FAT4: variants seen among roughly 807,000 people sequenced by gnomAD.
The protein encoded by FAT4 is protocadherin Fat 4.
Under a neutral mutation model 303.9 loss-of-function variants are expected in FAT4, and 84 were observed. The observed-to-expected ratio is 0.28, with a 90% confidence interval of 0.23 to 0.33. The LOEUF is 0.33. FAT4 is among the 10% of genes least tolerant of loss of function. FAT4 has a pLI of 1.00. For synonymous variants in FAT4, 2,307 were observed against 2,298.8 expected (o/e 1.00, Z -0.10); for missense variants, 6,005 against 6,146.8 (o/e 0.98, Z 0.77).
chr4:125,449,197 C>T lies in FAT4; in HGVS notation c.8187C>T (p.Ser2729=), dbSNP rs780407070. ...SINHATGEIR[S]VRPLDREKVS... is the part of the protein sequence containing the mutation. ...ATCATGCTACTGGTGAAATTAGAAG[C>T]GTTAGACCTTTGGACAGGGAAAAAG... Residue 2729 remains serine (S), a synonymous_variant, in exon 10 of 18, where the codon AGC becomes AGT. Coordinates refer to ENST00000394329, the MANE Select transcript of FAT4 (RefSeq NM_001291303.3). 3.4e-5 allele frequency: 55 copies of T among 1,613,724 alleles called. No individual in the cohort carries two copies. The highest frequency in any genetic ancestry group is 4.5e-5 in the Non-Finnish European group (53 of 1,179,882).
chr4:125,317,301 A>G lies in FAT4; in HGVS notation c.890A>G (p.Gln297Arg), dbSNP rs751217535. 2.5e-6 allele frequency: 4 copies of G among 1,600,114 alleles called. No homozygotes were observed. In the East Asian group the frequency reaches 9.0e-5, roughly 36 times the overall value. ...CTGCAGGACGAGGGGACCCCCTTCC[A>G]AATGGACCCTGAGACGGGACTTATC... ...YRLQDEGTPF[Q>R]MDPETGLITV... The change falls in exon 2 of 18, where the codon CAA becomes CGA. Residue 297 changes from glutamine to arginine, a missense_variant. By Grantham distance (43) the Gln-to-Arg change is conservative. Transcript: ENST00000394329. This position sits in a 1 kb window ranked among gnomAD's most constrained non-coding sequence, Gnocchi z 7.0.
At position 125,317,266 on chromosome 4, in the gene FAT4, C is replaced by G. The variant is rs767533176; in HGVS notation, c.855C>G (p.Ile285Met). 4 of 1,580,464 alleles carry G rather than the reference C, an allele frequency of 2.5e-6. No individual in the cohort carries two copies. The highest frequency in any genetic ancestry group is 3.4e-6 in the Non-Finnish European group (4 of 1,160,890). Residue 285 changes from isoleucine to methionine, a missense_variant, in exon 2 of 18, where the codon ATC becomes ATG. Physicochemically the swap from Ile to Met is conservative, Grantham distance 10. Coordinates refer to ENST00000394329, the MANE Select transcript of FAT4 (RefSeq NM_001291303.3). The surrounding 1 kb of genome is among the most constrained non-coding windows in gnomAD (Gnocchi z 7.0). ...ADADEGTNAD[I>M]RYRLQDEGTP... ...CGGACGAGGGCACCAACGCGGACATCCGCTATCGCCTGCAGGACGAGGGGA... is the reference window on the plus strand; with the variant it reads ...CGGACGAGGGCACCAACGCGGACATGCGCTATCGCCTGCAGGACGAGGGGA...
At chr4:125,328,761 A>G (rs1731259885) in intron 2 of FAT4, among the ~76,000 whole-genome samples, 1 of 152,222 alleles carries the variant, frequency 6.6e-6, no homozygotes, top group South Asian at 2.1e-4. Flanking sequence ...ACAAATGAGA[A>G]TACTGAGGCT....
intron 2 of FAT4, among the ~76,000 whole-genome samples, chr4:125,344,385 TC>T (rs1731919653): frequency 6.6e-6 from 1 of 152,106 alleles, no homozygotes; most frequent in Non-Finnish European, 1.5e-5. Flanking sequence ...AATTCACTTT[TC>T]CTTGTGAGTT....
Position 125,468,057 on chromosome 4 carries a change from G to A in FAT4, c.11906-455G>A, listed in dbSNP as rs150225742. Reference sequence around the variant, plus strand: ...CCGGCACCTATAATCCCAGCTTCTCGGGAAGCTGAGACAAGAGAATCGCTT... The same window carrying A: ...CCGGCACCTATAATCCCAGCTTCTCAGGAAGCTGAGACAAGAGAATCGCTT... On this transcript the variant is annotated intron_variant, in intron 11 of 17. Coordinates refer to ENST00000394329, the MANE Select transcript of FAT4 (RefSeq NM_001291303.3). 8.2e-3 allele frequency among the ~76,000 whole-genome samples: 1,249 copies of A among 152,048 alleles called. 16 individuals carry two copies. The highest frequency in any genetic ancestry group is 0.029 in the African/African-American group (1,201 of 41,438).
intron 2 of FAT4, among the ~76,000 whole-genome samples, chr4:125,378,152 G>C (rs1733405341): frequency 6.6e-6 from 1 of 152,056 alleles, no homozygotes; most frequent in African/African-American, 2.4e-5. Flanking sequence ...TATGTACCAA[G>C]TTAGACATAT....
chr4:125,402,943 TA>T (rs892551408), intron 3 of FAT4, among the ~76,000 whole-genome samples: 2 of 152,046 alleles, frequency 1.3e-5, no homozygotes, highest in African/African-American at 4.8e-5. Flanking sequence ...TACTTATACC[TA>T]GTGTCAAGGT....
At chr4:125,360,706 C>G (rs1182471287) in intron 2 of FAT4, among the ~76,000 whole-genome samples, 1 of 152,002 alleles carries the variant, frequency 6.6e-6, no homozygotes, top group Non-Finnish European at 1.5e-5. Context: ...TTGTAGTCAT[C>G]CCCCTGACTA....
chr4:125,468,482 A>T (rs958148642), intron 11 of FAT4, 30 bp from the exon 12 acceptor site: 2 of 1,393,046 alleles, frequency 1.4e-6, no homozygotes, highest in Non-Finnish European at 1.9e-6. Flanking sequence ...ATGAAATTTT[A>T]TGCCAGTTTG....
In FAT4 at chr4:125,318,408, C is replaced by T. The variant is rs777704221; in HGVS notation, c.1997C>T (p.Ser666Phe). 6.2e-7 allele frequency: 1 copy of T among 1,614,136 alleles called. No homozygotes were observed. Among genetic ancestry groups the T allele is most frequent in the Admixed American group, 1.7e-5 (1 of 60,020 alleles). Reference protein sequence around the residue: ...SLLVLATDLGSPPQSSMARIN... With the variant: ...SLLVLATDLGFPPQSSMARIN... ...TTGGTTCTGGCCACAGATCTGGGCT[C>T]CCCTCCCCAGTCATCAATGGCTCGC... The change falls in exon 2 of 18, where the codon TCC (serine) becomes TTC (phenylalanine). Residue 666 changes from serine to phenylalanine, a missense_variant. Transcript: ENST00000394329.
intron 2 of FAT4, among the ~76,000 whole-genome samples, chr4:125,361,334 AT>A (rs1206447335): frequency 1.3e-5 from 2 of 152,204 alleles, no homozygotes; most frequent in African/African-American, 4.8e-5. Context: ...TACAAGGGGA[AT>A]AAAAAGAATG....
chr4:125,378,805 A>C (rs1443941256), intron 2 of FAT4, among the ~76,000 whole-genome samples: 1 of 152,202 alleles, frequency 6.6e-6, no homozygotes, highest in Non-Finnish European at 1.5e-5. Flanking sequence ...GCTACTATGA[A>C]AATTAAGAAT....
At chr4:125,337,658 A>G (rs149050069) in intron 2 of FAT4, among the ~76,000 whole-genome samples, 8 of 152,212 alleles carry the variant, frequency 5.3e-5, no homozygotes, top group Middle Eastern at 6.8e-3. Context: ...CACTTATGTA[A>G]ACACAGCCAG....
At chr4:125,435,579 C>T (rs767661685) in intron 8 of FAT4, among the ~76,000 whole-genome samples, 1 of 152,138 alleles carries the variant, frequency 6.6e-6, no homozygotes, top group Non-Finnish European at 1.5e-5. Context: ...CACATTCAGA[C>T]CACAATACTT....
chr4:125,389,701 G>A (rs1475769264), intron 2 of FAT4, among the ~76,000 whole-genome samples: 2 of 151,988 alleles, frequency 1.3e-5, no homozygotes, highest in Admixed American at 6.6e-5. Flanking sequence ...TTTTCACATT[G>A]CAATTTCAAA....
intron 2 of FAT4, among the ~76,000 whole-genome samples, chr4:125,358,629 A>G (rs1320318205): frequency 3.9e-5 from 6 of 152,106 alleles, no homozygotes; most frequent in Non-Finnish European, 8.8e-5. Context: ...AAAGTGAGTG[A>G]TGGGAAGATG....
Position 125,491,896 on chromosome 4 carries a change from T to A in FAT4, c.*128T>A. 2 of 879,538 alleles carry A rather than the reference T, an allele frequency of 2.3e-6. No individual in the cohort carries two copies. The highest frequency in any genetic ancestry group is 3.4e-6 in the Non-Finnish European group (2 of 585,396). The allele number at this position is 879,538 out of a possible 1,614,324, so 54.5% of individuals were successfully genotyped here. A position where few individuals can be genotyped will look rare whatever the true frequency, so the allele number is the denominator to read the frequency against. On this transcript the variant is annotated 3_prime_UTR_variant, in exon 18 of 18. Transcript: ENST00000394329. ...TGGACTAGTGGTGGAGGGAAAACTT[T>A]AAAAATAATAACCACAATGCTGCTG...
intron 2 of FAT4, among the ~76,000 whole-genome samples, chr4:125,338,022 C>T (rs1731640490): frequency 6.6e-6 from 1 of 152,146 alleles, no homozygotes; most frequent in Non-Finnish European, 1.5e-5. Context: ...TCATTTTCTT[C>T]ATTTGCATAG....
intron 2 of FAT4, among the ~76,000 whole-genome samples, chr4:125,352,162 CT>C (rs1480709198): frequency 6.6e-6 from 1 of 151,478 alleles, no homozygotes; most frequent in Admixed American, 6.6e-5. Flanking sequence ...CTTATGAAGA[CT>C]ATTATACATT....
Sources: allele counts gnomAD v4.1 joint callset (sites outside exome capture counted in the v4.1 genomes callset), GRCh38; gene constraint gnomAD v4.1.1; non-coding constraint Gnocchi (gnomAD v3.1); transcripts MANE v1.5; gene names NCBI Gene and HGNC (gene_info 2026-07-23, HGNC 2026-07-21).